EMID1: variants seen among roughly 807,000 people sequenced by gnomAD.
The protein encoded by EMID1 is EMI domain containing 1.
Under a neutral mutation model 60.6 loss-of-function variants are expected in EMID1, and 40 were observed. That is an observed-to-expected ratio of 0.66 (90% confidence interval 0.51 to 0.86). The LOEUF (loss-of-function observed/expected upper bound fraction) is 0.86. EMID1 is among the 40% of genes least tolerant of loss of function. The probability of loss-of-function intolerance (pLI) is 0.00; values close to 1 mark genes in which losing one functional copy is unlikely to be tolerated. For synonymous variants in EMID1, 242 were observed against 231.0 expected (o/e 1.05, Z -0.43); for missense variants, 585 against 597.1 (o/e 0.98, Z 0.21).
At position 29,226,528 on chromosome 22, in the gene EMID1, C is replaced by T. The variant is rs150609048; in HGVS notation, c.442C>T (p.Arg148Trp). Residue 148 changes from arginine (R) to tryptophan (W), a missense_variant, in exon 5 of 15, where the codon CGG becomes TGG. Physicochemically the swap from Arg to Trp is moderately radical, Grantham distance 101 (BLOSUM62 -3). Transcript: ENST00000334018. Reference protein sequence around the residue: ...NCSKVSELTERLKVLEAKMTM... With the variant: ...NCSKVSELTEWLKVLEAKMTM... Reference sequence around the variant, plus strand: ...CAGCAAAGTGTCAGAGCTGACAGAGCGGCTGAAGGTGCTGGAGGCCAAGGT... The same window carrying T: ...CAGCAAAGTGTCAGAGCTGACAGAGTGGCTGAAGGTGCTGGAGGCCAAGGT... The T allele has an allele frequency of 6.8e-6, 11 of 1,611,462 alleles. No homozygotes were observed. Among genetic ancestry groups the T allele is most frequent in the Admixed American group, 3.3e-5 (2 of 59,754 alleles).
At chr22:29,254,468 A>G (rs1241235896) in intron 14 of EMID1, 181 bp downstream of exon 14, 13 of 621,330 alleles carry the variant, frequency 2.1e-5, no homozygotes, top group Non-Finnish European at 3.1e-5. Flanking sequence ...TCCCTCCTCC[A>G]CGGGTGCAGG....
In EMID1 at chr22:29,232,115, G is replaced by A. The variant is rs113510689; in HGVS notation, c.677-141G>A. ...AGGTGCTGTGCTCATCCCCCTGTTAGACTACCAGGCAGCCTAGGCCTGTGG... is the reference window on the plus strand; with the variant it reads ...AGGTGCTGTGCTCATCCCCCTGTTAAACTACCAGGCAGCCTAGGCCTGTGG... On this transcript the variant is annotated intron_variant, in intron 7 of 14. Coordinates refer to ENST00000334018, the MANE Select transcript of EMID1 (RefSeq NM_133455.4). 12 of 883,878 alleles carry A rather than the reference G, an allele frequency of 1.4e-5. No homozygotes were observed. In the African/African-American group the frequency reaches 1.5e-4, roughly 11 times the overall value. The allele number at this position is 883,878 out of a possible 1,614,324, so 54.8% of individuals were successfully genotyped here.
In EMID1 at chr22:29,206,144, G is replaced by C; in HGVS notation, c.101+5G>C. The C allele has an allele frequency of 6.5e-6, 8 of 1,230,178 alleles. No homozygotes were observed. The highest frequency in any genetic ancestry group is 8.1e-6 in the Non-Finnish European group (8 of 986,670). 76.2% of individuals were successfully genotyped at this position (1,230,178 alleles called of 1,614,324 possible). A position where few individuals can be genotyped will look rare whatever the true frequency, so the allele number is the denominator to read the frequency against. ...AGCTCCGTTCTCCGGACGCAGGTAA[G>C]AGCTCCCGGCGCCTTTGCACCCCGC... On this transcript the variant is annotated splice_donor_5th_base_variant and intron_variant, in intron 1 of 14. Transcript: ENST00000334018.
intron 14 of EMID1, 28 bp downstream of exon 14, chr22:29,254,315 C>T (rs763070374): frequency 1.6e-5 from 26 of 1,603,526 alleles, no homozygotes; most frequent in Admixed American, 1.2e-4. Flanking sequence ...GACGGACAGA[C>T]GGCCCAGCCC....
intron 12 of EMID1, among the ~76,000 whole-genome samples, chr22:29,236,568 G>A (rs12373988): frequency 0.42 from 64,027 of 151,484 alleles, 14,138 homozygotes; most frequent in East Asian, 0.68. Context: ...GCGCACTCCT[G>A]TAATCCCAGC....
intron 1 of EMID1, among the ~76,000 whole-genome samples, chr22:29,208,083 A>G (rs2039742112): frequency 6.6e-6 from 1 of 152,128 alleles, no homozygotes; most frequent in Non-Finnish European, 1.5e-5. Context: ...GGTTCCTGCT[A>G]TCAATCATGT....
intron 4 of EMID1, among the ~76,000 whole-genome samples, chr22:29,225,540 T>G (rs920036676): frequency 6.6e-6 from 1 of 152,220 alleles, no homozygotes; most frequent in African/African-American, 2.4e-5. Context: ...GGAGGCCCTG[T>G]GCCAGGCGCT....
At chr22:29,215,391 A>C (rs1568970026) in intron 2 of EMID1, 136 bp from the exon 3 acceptor site, 1 of 1,271,448 alleles carries the variant, frequency 7.9e-7, no homozygotes, top group Non-Finnish European at 1.1e-6. Context: ...CCCAAAATGC[A>C]GGAGAGAGCC....
At chr22:29,228,063 G>A (rs897666465) in intron 5 of EMID1, among the ~76,000 whole-genome samples, 1 of 151,502 alleles carries the variant, frequency 6.6e-6, no homozygotes, top group Admixed American at 6.6e-5. Context: ...GGCTGAGGCA[G>A]GAGAATCGCT....
chr22:29,258,994 T>A lies in EMID1; in HGVS notation c.*50T>A. 6.3e-7 allele frequency: 1 copy of A among 1,581,056 alleles called. No homozygotes were observed. The highest frequency in any genetic ancestry group is 8.6e-7 in the Non-Finnish European group (1 of 1,165,650). ...ACCAGGCCAGGCTTCCCCTCCTACC[T>A]GGACTCGGCCAGCTGCCTCCAGGGA... is the stretch of plus-strand genomic sequence containing the variant. On this transcript the variant is annotated 3_prime_UTR_variant, in exon 15 of 15. Coordinates refer to ENST00000334018, the MANE Select transcript of EMID1 (RefSeq NM_133455.4).
In EMID1 at chr22:29,243,431, G is replaced by T; in HGVS notation, c.1075-14G>T. On this transcript the variant is annotated splice_polypyrimidine_tract_variant and intron_variant, in intron 12 of 14. Transcript: ENST00000334018. ...TGCCTTCCTCACTGCTGCTATCTCT[G>T]TCTCTCCTTGCAGGGGGAACCTGGC... 4 of 1,612,800 alleles carry T rather than the reference G, an allele frequency of 2.5e-6. No individual in the cohort carries two copies. Among genetic ancestry groups the T allele is most frequent in the Non-Finnish European group, 3.4e-6 (4 of 1,179,552 alleles).
At chr22:29,211,240 G>A (rs2039869967) in intron 1 of EMID1, among the ~76,000 whole-genome samples, 1 of 152,264 alleles carries the variant, frequency 6.6e-6, no homozygotes, top group South Asian at 2.1e-4. Context: ...ATGTGAATGT[G>A]TGAGGGCACA....
At chr22:29,257,525 C>T (rs1183959491) in intron 14 of EMID1, among the ~76,000 whole-genome samples, 1 of 152,104 alleles carries the variant, frequency 6.6e-6, no homozygotes, top group Non-Finnish European at 1.5e-5. Context: ...TCAGGTCTCC[C>T]CTCTAAAGTC....
chr22:29,234,140 C>T lies in EMID1; in HGVS notation c.970C>T (p.Pro324Ser). The part of the protein sequence containing the change: ...GVPGSPGHIG[P>S]PGPTGPKGIS... ...GAGGCCCTGTCTTGTTGCTCAGGGA[C>T]CCCCAGGCCCCACTGGACCCAAAGG... The change falls in exon 11 of 15, where the codon CCC becomes TCC. Residue 324 changes from proline to serine, a missense_variant. Transcript: ENST00000334018. The T allele has an allele frequency of 6.3e-7, 1 of 1,587,668 alleles. No homozygotes were observed. The highest frequency in any genetic ancestry group is 1.1e-5 in the South Asian group (1 of 87,144).
chr22:29,252,021 C>G (rs921067672), intron 13 of EMID1, among the ~76,000 whole-genome samples: 7 of 152,182 alleles, frequency 4.6e-5, no homozygotes, highest in Non-Finnish European at 2.9e-5. Flanking sequence ...GTTGCCCAGG[C>G]TGGTCTCAAA....
In EMID1 at chr22:29,206,151, C is replaced by T; in HGVS notation, c.101+12C>T. The T allele has an allele frequency of 1.6e-6, 2 of 1,229,512 alleles. No homozygotes were observed. Among genetic ancestry groups the T allele is most frequent in the Non-Finnish European group, 2.0e-6 (2 of 986,192 alleles). 76.2% of individuals were successfully genotyped at this position (1,229,512 alleles called of 1,614,324 possible). On this transcript the variant is annotated intron_variant, in intron 1 of 14. Coordinates refer to ENST00000334018, the MANE Select transcript of EMID1 (RefSeq NM_133455.4). The stretch of plus-strand genomic sequence containing the variant: ...TTCTCCGGACGCAGGTAAGAGCTCC[C>T]GGCGCCTTTGCACCCCGCTGGCCGA...
chr22:29,247,593 AG>A (rs1290136743), intron 13 of EMID1, among the ~76,000 whole-genome samples: 1 of 152,208 alleles, frequency 6.6e-6, no homozygotes, highest in African/African-American at 2.4e-5. Context: ...AACATAGAAA[AG>A]GTACAGCAAA....
chr22:29,259,215 G>C lies in EMID1; in HGVS notation c.*271G>C, dbSNP rs1004277794. On this transcript the variant is annotated 3_prime_UTR_variant, in exon 15 of 15. Coordinates refer to ENST00000334018, the MANE Select transcript of EMID1 (RefSeq NM_133455.4). Reference sequence around the variant, plus strand: ...AGGAGGGATAGAGGTACAAGGCTTCGTCTCATCTGCTGTCTGAGCATCCAG... The same window carrying C: ...AGGAGGGATAGAGGTACAAGGCTTCCTCTCATCTGCTGTCTGAGCATCCAG... 1 of 481,900 alleles carries C rather than the reference G, an allele frequency of 2.1e-6. No homozygotes were observed. The highest frequency in any genetic ancestry group is 3.6e-6 in the Non-Finnish European group (1 of 276,912). 29.9% of individuals were successfully genotyped at this position (481,900 alleles called of 1,614,324 possible).
chr22:29,208,997 G>T lies in EMID1; in HGVS notation c.101+2858G>T, dbSNP rs532199190. Reference sequence around the variant, plus strand: ...TCCAAGGTCACCGATGTAGGAAGCAGCAGAGCCAGGACTGGAACTTCGCCC... The same window carrying T: ...TCCAAGGTCACCGATGTAGGAAGCATCAGAGCCAGGACTGGAACTTCGCCC... On this transcript the variant is annotated intron_variant, in intron 1 of 14. Transcript: ENST00000334018. Among the ~76,000 whole-genome samples the T allele has an allele frequency of 7.2e-5, 11 of 152,356 alleles. No individual in the cohort carries two copies. In the East Asian group the frequency reaches 1.7e-3, roughly 24 times the overall value.
Sources: allele counts gnomAD v4.1 joint callset (sites outside exome capture counted in the v4.1 genomes callset), GRCh38; gene constraint gnomAD v4.1.1; transcripts MANE v1.5; gene names NCBI Gene and HGNC (gene_info 2026-07-23, HGNC 2026-07-21).